The following KHDRBS3 variants were observed in gnomAD, a reference collection of about 807,000 sequenced individuals.
KHDRBS3 encodes KH domain-containing, RNA-binding, signal transduction-associated protein 3.
Under a neutral mutation model 45.6 loss-of-function variants are expected in KHDRBS3, and 23 were observed. The observed-to-expected ratio is 0.50, with a 90% CI of 0.36 to 0.72. The LOEUF is 0.72. KHDRBS3 is among the 30% of genes least tolerant of loss of function. KHDRBS3 has a pLI of 0.00. For missense variants in KHDRBS3, 352 were observed against 424.8 expected (o/e 0.83, Z 1.51); for synonymous variants, 162 against 156.5 (o/e 1.04, Z -0.26).
chr8:135,469,506 GTTTTTTTTTTGTTTTGGTT>G (rs1429212621), intron 1 of KHDRBS3, among the ~76,000 whole-genome samples: 22 of 111,278 alleles, frequency 2.0e-4, no homozygotes, highest in African/African-American at 8.1e-4. Context: ...CCAGGATGGT[GTTTTTTTTTTGTTTTGGTT>G]TTTTTTTTTT....
intron 6 of KHDRBS3, 107 bp from the exon 7 acceptor site, chr8:135,606,848 T>G: frequency 1.3e-6 from 1 of 780,128 alleles, no homozygotes; most frequent in Non-Finnish European, 2.1e-6. Flanking sequence ...TAAGTAGACA[T>G]ATAATTAAAT....
chr8:135,485,842 T>TTATA (rs34886021), intron 1 of KHDRBS3, among the ~76,000 whole-genome samples: 2,758 of 120,240 alleles, frequency 0.023, 97 homozygotes, highest in South Asian at 0.042. Context: ...CATTTCAAGT[T>TTATA]TATATATATA....
intron 7 of KHDRBS3, among the ~76,000 whole-genome samples, chr8:135,615,251 T>C (rs1829870358): frequency 6.7e-6 from 1 of 150,090 alleles, no homozygotes; most frequent in South Asian, 2.1e-4. Context: ...AGAGAATCTT[T>C]GTCAGCTCTG....
Position 135,548,911 on chromosome 8 carries a change from T to C in KHDRBS3, c.471+11T>C. 6.5e-7 allele frequency: 1 copy of C among 1,533,734 alleles called. No individual in the cohort carries two copies. Among genetic ancestry groups the C allele is most frequent in the South Asian group, 1.3e-5 (1 of 78,442 alleles). ...AAGTTCCTCATCCCTGTTAGTACCA[T>C]TTTTCTTGATAGTTAACTTGTACTT... On this transcript the variant is annotated intron_variant, in intron 4 of 8. Transcript: ENST00000355849.
At chr8:135,584,406 C>G (rs1027816862) in intron 6 of KHDRBS3, among the ~76,000 whole-genome samples, 6 of 152,190 alleles carry the variant, frequency 3.9e-5, no homozygotes, top group Admixed American at 3.9e-4. Context: ...AAAAGAAATA[C>G]CATCATGAGT....
intron 3 of KHDRBS3, among the ~76,000 whole-genome samples, chr8:135,547,055 G>C (rs972232073): frequency 1.4e-4 from 22 of 152,146 alleles, no homozygotes; most frequent in Admixed American, 7.9e-4. Flanking sequence ...TGTGCTTTCA[G>C]GGATGAATTG....
chr8:135,496,472 AC>A (rs1489134171), intron 1 of KHDRBS3, among the ~76,000 whole-genome samples: 2 of 151,960 alleles, frequency 1.3e-5, no homozygotes, highest in Non-Finnish European at 2.9e-5. Context: ...ACCTCAGGTG[AC>A]CCTCCCGCCT....
intron 6 of KHDRBS3, among the ~76,000 whole-genome samples, chr8:135,594,993 A>C (rs1320993160): frequency 2.0e-5 from 3 of 152,254 alleles, no homozygotes; most frequent in Non-Finnish European, 4.4e-5. Context: ...GGATGAACAA[A>C]TTATAGTATA....
At chr8:135,540,197 A>G (rs1326795499) in intron 2 of KHDRBS3, 1 of 152,220 alleles carries the variant, frequency 6.6e-6, no homozygotes, top group Non-Finnish European at 1.5e-5. Context: ...GGACAACAAT[A>G]GGCAAATGAT....
chr8:135,460,886 T>A (rs1821395540), intron 1 of KHDRBS3, among the ~76,000 whole-genome samples: 1 of 152,216 alleles, frequency 6.6e-6, no homozygotes, highest in African/African-American at 2.4e-5. Flanking sequence ...AATTCAGTGT[T>A]CGTAAAGATT....
chr8:135,474,306 C>T (rs540153016), intron 1 of KHDRBS3, among the ~76,000 whole-genome samples: 3 of 152,288 alleles, frequency 2.0e-5, no homozygotes, highest in South Asian at 4.1e-4. Flanking sequence ...TAAACCAAAT[C>T]CCAATATTCA....
chr8:135,656,450 A>AT (rs1399822968), exon 5 of KHDRBS3: 111 of 152,328 alleles, frequency 7.3e-4, no homozygotes, highest in African/African-American at 2.6e-3. Context: ...GACTCCCAAT[A>AT]ACAAAAAGAG....
chr8:135,614,863 A>G (rs2131061067), intron 7 of KHDRBS3, among the ~76,000 whole-genome samples: 1 of 151,964 alleles, frequency 6.6e-6, no homozygotes, highest in African/African-American at 2.4e-5. Flanking sequence ...CTGCACTGGG[A>G]CTTTGCAGTG....
At chr8:135,570,003 T>C (rs1311259839) in intron 5 of KHDRBS3, among the ~76,000 whole-genome samples, 2 of 152,224 alleles carry the variant, frequency 1.3e-5, no homozygotes, top group African/African-American at 4.8e-5. Flanking sequence ...TTTTTGTCTA[T>C]AATCTTTAAT....
chr8:135,570,372 A>G (rs971328062), intron 5 of KHDRBS3, among the ~76,000 whole-genome samples: 1 of 152,204 alleles, frequency 6.6e-6, no homozygotes, highest in African/African-American at 2.4e-5. Flanking sequence ...CAAATGATGT[A>G]CTTTCCTTCT....
intron 8 of KHDRBS3, 51 bp from the exon 9 acceptor site, chr8:135,646,942 C>T (rs1449473900): frequency 1.0e-6 from 1 of 982,512 alleles, no homozygotes; most frequent in Non-Finnish European, 1.7e-6. Context: ...AAAATGAAGC[C>T]TGTGGGATTC....
Position 135,645,635 on chromosome 8 carries a change from C to T in KHDRBS3, c.949+518C>T, listed in dbSNP as rs996043344. Among the ~76,000 whole-genome samples the T allele has an allele frequency of 2.0e-5, 3 of 152,210 alleles. No individual in the cohort carries two copies. In the East Asian group the frequency reaches 5.8e-4, roughly 29 times the overall value. ...CAGGGTCTGTAAGCTTTACAAAGGG[C>T]AGCAGCTAAACCCCTCTTAATTCAG... On this transcript the variant is annotated intron_variant, in intron 8 of 8. Coordinates refer to ENST00000355849, the MANE Select transcript of KHDRBS3 (RefSeq NM_006558.3).
At chr8:135,633,160 T>C (rs1830675508) in intron 7 of KHDRBS3, among the ~76,000 whole-genome samples, 1 of 152,238 alleles carries the variant, frequency 6.6e-6, no homozygotes, top group African/African-American at 2.4e-5. Context: ...GAATTTGTGT[T>C]GTTTATTAAA....
chr8:135,631,697 T>C (rs866618580), intron 7 of KHDRBS3, among the ~76,000 whole-genome samples: 16 of 152,348 alleles, frequency 1.1e-4, no homozygotes, highest in Middle Eastern at 3.4e-3. Flanking sequence ...TAAAACAGCT[T>C]CGGGCAGGTC....
Sources: gnomAD v4.1 joint callset for allele counts (sites outside exome capture counted in the v4.1 genomes callset) on GRCh38, gnomAD v4.1.1 for gene constraint, MANE v1.5 for transcripts, NCBI Gene and HGNC (gene_info 2026-07-23, HGNC 2026-07-21) for gene names.